Variants in PTPRT observed in about 807,000 individuals in gnomAD.
PTPRT encodes receptor-type tyrosine-protein phosphatase T.
In PTPRT, 56 loss-of-function variants were observed where a neutral mutation model predicts 176.8. The ratio of observed to expected loss-of-function variants is 0.32; its 90% confidence interval spans 0.26 to 0.40. PTPRT has a LOEUF of 0.40. Among genes scored for constraint, PTPRT ranks in the 10% least tolerant of loss-of-function variants. The pLI is 1.00. For synonymous variants in PTPRT, 783 were observed against 739.0 expected, an observed-to-expected ratio of 1.06 and a Z score of -0.96; for missense variants, 1,540 against 1,908.2, an observed-to-expected ratio of 0.81 and a Z score of 3.60.
chr20:42,588,688 T>C lies in PTPRT; in HGVS notation c.1153+89178A>G, dbSNP rs144133040. 1.3e-3 allele frequency among the ~76,000 whole-genome samples: 201 copies of C among 152,284 alleles called. 2 individuals carry two copies. The highest frequency in any genetic ancestry group is 4.6e-3 in the African/African-American group (192 of 41,554). Reference sequence around the variant, plus strand: ...CACCTGGTTCCTATTTTTAAAAATATAGCTACTAGAAAATTTTAAATTACA... The same window carrying C: ...CACCTGGTTCCTATTTTTAAAAATACAGCTACTAGAAAATTTTAAATTACA... On this transcript the variant is annotated intron_variant, in intron 7 of 30. Transcript: ENST00000373187.
At chr20:42,718,297 G>A (rs2076255349) in intron 6 of PTPRT, among the ~76,000 whole-genome samples, 1 of 152,212 alleles carries the variant, frequency 6.6e-6, no homozygotes, top group African/African-American at 2.4e-5. Flanking sequence ...CAGCACTTTG[G>A]GAGGCCGAGG....
chr20:42,161,067 A>C (rs1472392129), intron 17 of PTPRT, among the ~76,000 whole-genome samples: 1 of 152,192 alleles, frequency 6.6e-6, no homozygotes, highest in Non-Finnish European at 1.5e-5. Context: ...AACTTTGGAT[A>C]ATGAAAGGGG....
intron 12 of PTPRT, among the ~76,000 whole-genome samples, chr20:42,284,478 T>C (rs968353983): frequency 6.6e-6 from 1 of 152,052 alleles, no homozygotes; most frequent in African/African-American, 2.4e-5. Flanking sequence ...ATTTTTTTCT[T>C]TAATTTCATC....
intron 7 of PTPRT, among the ~76,000 whole-genome samples, chr20:42,583,681 A>T (rs948078641): frequency 1.3e-5 from 2 of 152,210 alleles, no homozygotes; most frequent in Non-Finnish European, 2.9e-5. Context: ...GATATTCTCA[A>T]ATGGCTTATT....
At chr20:42,713,845 T>A (rs1203844148) in intron 6 of PTPRT, among the ~76,000 whole-genome samples, 1 of 152,210 alleles carries the variant, frequency 6.6e-6, no homozygotes, top group African/African-American at 2.4e-5. Flanking sequence ...TTCCTCCAGT[T>A]CGGGCCATGT....
intron 9 of PTPRT, among the ~76,000 whole-genome samples, chr20:42,386,113 G>A (rs1248773599): frequency 2.0e-5 from 3 of 152,126 alleles, no homozygotes; most frequent in Non-Finnish European, 2.9e-5. Flanking sequence ...TGTTGAAAAG[G>A]CATGATTATA....
chr20:42,480,687 A>C (rs2071369826), intron 7 of PTPRT, among the ~76,000 whole-genome samples: 1 of 152,218 alleles, frequency 6.6e-6, no homozygotes, highest in Admixed American at 6.5e-5. Context: ...CAATAGATAC[A>C]GTACAGCATT....
chr20:42,742,725 G>A (rs1569127437), intron 6 of PTPRT, among the ~76,000 whole-genome samples: 1 of 152,162 alleles, frequency 6.6e-6, no homozygotes, highest in Non-Finnish European at 1.5e-5. Context: ...GAACTTTCTT[G>A]CTGGTATGAA....
intron 9 of PTPRT, among the ~76,000 whole-genome samples, chr20:42,432,643 A>G (rs1315216102): frequency 6.6e-6 from 1 of 152,224 alleles, no homozygotes; most frequent in African/African-American, 2.4e-5. Context: ...AGCAAGGGTT[A>G]AGTCACAGCT....
chr20:43,068,301 G>A (rs957559226), intron 1 of PTPRT, among the ~76,000 whole-genome samples: 1 of 150,208 alleles, frequency 6.7e-6, no homozygotes, highest in African/African-American at 2.5e-5. Flanking sequence ...TCAGGAGATC[G>A]AGACTATCCT....
the PTPRT span, among the ~76,000 whole-genome samples, chr20:42,031,942 T>C: frequency 6.6e-6 from 1 of 152,198 alleles, no homozygotes; most frequent in East Asian, 1.9e-4. Flanking sequence ...TTCGCAACAC[T>C]GTGAGATGTG....
chr20:42,253,082 A>G lies in PTPRT; in HGVS notation c.2177-4260T>C, dbSNP rs550636410. Reference sequence around the variant, plus strand: ...GGTGATACAGGGATAGAGGAAATGGACTAAAGGCAAGACAGCATCCACGTG... The same window carrying G: ...GGTGATACAGGGATAGAGGAAATGGGCTAAAGGCAAGACAGCATCCACGTG... On this transcript the variant is annotated intron_variant, in intron 13 of 30. Transcript: ENST00000373187. 3.9e-5 allele frequency among the ~76,000 whole-genome samples: 6 copies of G among 152,318 alleles called. No individual in the cohort carries two copies. The South Asian group carries it at 1.2e-3, about 32-fold the overall frequency.
chr20:42,426,782 C>A (rs1386482289), intron 9 of PTPRT, among the ~76,000 whole-genome samples: 1 of 152,194 alleles, frequency 6.6e-6, no homozygotes, highest in African/African-American at 2.4e-5. Context: ...AGTCACACCC[C>A]TGTTGTGTGT....
intron 7 of PTPRT, among the ~76,000 whole-genome samples, chr20:42,486,910 C>T (rs1413043814): frequency 2.0e-5 from 3 of 152,160 alleles, no homozygotes; most frequent in Non-Finnish European, 2.9e-5. Flanking sequence ...GTCACACAGG[C>T]AAGCTCAACA....
At chr20:42,991,074 C>T (rs193275497) in intron 1 of PTPRT, among the ~76,000 whole-genome samples, 152 of 152,166 alleles carry the variant, frequency 1.0e-3, no homozygotes, top group African/African-American at 3.3e-3. Flanking sequence ...AGAAAGCGGG[C>T]GGAACTCTGA....
intron 9 of PTPRT, among the ~76,000 whole-genome samples, chr20:42,421,719 G>A (rs2059120672): frequency 2.0e-5 from 3 of 152,042 alleles, no homozygotes; most frequent in Admixed American, 2.0e-4. Flanking sequence ...AAATTTATAT[G>A]GAACCACTAA....
chr20:42,823,878 C>G (rs972640971), intron 2 of PTPRT, among the ~76,000 whole-genome samples: 1 of 151,340 alleles, frequency 6.6e-6, no homozygotes, highest in Non-Finnish European at 1.5e-5. Context: ...AAAAAAAACA[C>G]AAGCATCAAC....
At chr20:42,495,545 A>C (rs1454952570) in intron 7 of PTPRT, among the ~76,000 whole-genome samples, 1 of 152,216 alleles carries the variant, frequency 6.6e-6, no homozygotes, top group Non-Finnish European at 1.5e-5. Context: ...GCAACTGTCA[A>C]AAGGCACACA....
At chr20:42,436,961 A>G (rs1251864582) in intron 9 of PTPRT, among the ~76,000 whole-genome samples, 4 of 152,208 alleles carry the variant, frequency 2.6e-5, no homozygotes, top group Non-Finnish European at 4.4e-5. Flanking sequence ...TAAAAGTTAA[A>G]ACACTAAAAA....
Sources: allele counts gnomAD v4.1 joint callset (sites outside exome capture counted in the v4.1 genomes callset), GRCh38; gene constraint gnomAD v4.1.1; transcripts MANE v1.5; gene names NCBI Gene and HGNC (gene_info 2026-07-23, HGNC 2026-07-21).